The following ARHGEF2 variants were observed in gnomAD, a reference collection of about 807,000 sequenced individuals.
ARHGEF2 encodes Rho/Rac guanine nucleotide exchange factor 2.
Under a neutral mutation model 121.0 loss-of-function variants are expected in ARHGEF2, and 22 were observed. The ratio of observed to expected loss-of-function variants is 0.18; its 90% CI spans 0.13 to 0.26. The LOEUF (loss-of-function observed/expected upper bound fraction) is 0.26. ARHGEF2 is among the 10% of genes least tolerant of loss of function. The pLI is 1.00. For synonymous variants in ARHGEF2, 487 were observed against 530.0 expected, an observed-to-expected ratio of 0.92 and a Z score of 1.11; for missense variants, 907 against 1,336.0, an observed-to-expected ratio of 0.68 and a Z score of 5.01.
At chr1:155,959,651 T>G (rs1331286294) in intron 11 of ARHGEF2, among the ~76,000 whole-genome samples, 3 of 152,130 alleles carry the variant, frequency 2.0e-5, no homozygotes, top group Non-Finnish European at 4.4e-5. Context: ...TTCAAGCGAT[T>G]CTCATGCCTC....
rs377638151 is a variant in ARHGEF2 at position 155,975,455 on chromosome 1, T to C, written c.63+2910A>G. ...TCAGTGACTTCCCTAAGCTTTAGAC[T>C]CCCTTCCCCTATCCTCACTTCTCCC... On this transcript the variant is annotated intron_variant, in intron 1 of 21. Coordinates refer to ENST00000361247, the MANE Select transcript of ARHGEF2 (RefSeq NM_001162383.2). Among the ~76,000 whole-genome samples, 3 of 151,852 alleles carry C rather than the reference T, an allele frequency of 2.0e-5. No homozygotes were observed. The East Asian group carries it at 5.8e-4, about 29-fold the overall frequency.
Position 155,978,216 on chromosome 1 carries a change from C to A in ARHGEF2, c.63+149G>T. The A allele has an allele frequency of 2.3e-6, 3 of 1,299,092 alleles. No individual in the cohort carries two copies. Among genetic ancestry groups the A allele is most frequent in the Non-Finnish European group, 3.0e-6 (3 of 1,007,630 alleles). The allele number at this position is 1,299,092 out of a possible 1,614,324, so 80.5% of individuals were successfully genotyped here. On this transcript the variant is annotated intron_variant, in intron 1 of 21. Coordinates refer to ENST00000361247, the MANE Select transcript of ARHGEF2 (RefSeq NM_001162383.2). This position sits in a 1 kb window ranked among gnomAD's most constrained non-coding sequence, Gnocchi z 4.1. ...CCTACCCACTCGCTCGCAGTCCCCA[C>A]CCACCCCGTCCCGCCGCTCGCCGAT... is the stretch of plus-strand genomic sequence containing the variant.
chr1:155,950,934 G>T lies in ARHGEF2; in HGVS notation c.2598C>A (p.Thr866=). The T allele has an allele frequency of 2.5e-6, 4 of 1,601,828 alleles. No individual in the cohort carries two copies. Among genetic ancestry groups the T allele is most frequent in the Non-Finnish European group, 3.4e-6 (4 of 1,173,634 alleles). Residue 866 remains threonine (T), a synonymous_variant, in exon 20 of 22, where the codon ACC becomes ACA. Transcript: ENST00000361247. This position sits in a 1 kb window ranked among gnomAD's most constrained non-coding sequence, Gnocchi z 5.2. ...AGGGGGCCTCAGCTGGGAGTGGCTCGGTCTGGCCCAGGGCGGCCAGCTGCC... is the reference window on the plus strand; with the variant it reads ...AGGGGGCCTCAGCTGGGAGTGGCTCTGTCTGGCCCAGGGCGGCCAGCTGCC... ...ARRQLAALGQ[T]EPLPAEAPWA...
chr1:155,976,583 G>C (rs563843305), intron 1 of ARHGEF2, among the ~76,000 whole-genome samples: 16 of 149,776 alleles, frequency 1.1e-4, no homozygotes, highest in Non-Finnish European at 2.2e-4. Context: ...TAATGGAAAA[G>C]GGATCCCAGT....
intron 7 of ARHGEF2, among the ~76,000 whole-genome samples, chr1:155,964,415 A>T (rs1445508057): frequency 6.6e-6 from 1 of 151,594 alleles, no homozygotes; most frequent in Non-Finnish European, 1.5e-5. Flanking sequence ...TATGTCTTCT[A>T]CATGTCGAGG....
chr1:155,952,082 A>C (rs1456163160), intron 16 of ARHGEF2, 34 bp downstream of exon 16: 1 of 1,613,632 alleles, frequency 6.2e-7, no homozygotes, highest in Non-Finnish European at 8.5e-7. Context: ...GGCCCCTCCC[A>C]CCTACTACCT....
At chr1:155,964,178 A>T (rs56391294) in intron 7 of ARHGEF2, among the ~76,000 whole-genome samples, 2 of 101,076 alleles carry the variant, frequency 2.0e-5, no homozygotes, top group African/African-American at 8.5e-5. Context: ...ATATATATAT[A>T]TATATATATA....
chr1:155,956,887 C>CAAAAA (rs34831517), intron 13 of ARHGEF2, among the ~76,000 whole-genome samples: 1 of 80,430 alleles, frequency 1.2e-5, no homozygotes, highest in Non-Finnish European at 2.3e-5. Context: ...ACTCTGTCTC[C>CAAAAA]AAAAAAAAAA....
chr1:155,962,621 C>T lies in ARHGEF2; in HGVS notation c.1073G>A (p.Arg358Gln), dbSNP rs1404426797. ...ALKLYKELYA[R>Q]DKRFQQFIRK... ...GATGAATTGCTGGAAGCGTTTGTCTCGGGCGTACAGCTCCTTATAGAGCTT... is the reference window on the plus strand; with the variant it reads ...GATGAATTGCTGGAAGCGTTTGTCTTGGGCGTACAGCTCCTTATAGAGCTT... The change falls in exon 9 of 22, where the codon CGA becomes CAA. Residue 358 changes from arginine (R) to glutamine (Q), a missense_variant. This residue lies in a region of ARHGEF2 where 475 missense variants were observed against 776.5 expected (regional missense o/e 0.61). Coordinates refer to ENST00000361247, the MANE Select transcript of ARHGEF2 (RefSeq NM_001162383.2). This position sits in a 1 kb window ranked among gnomAD's most constrained non-coding sequence, Gnocchi z 5.8. The T allele has an allele frequency of 1.9e-6, 3 of 1,614,088 alleles. No homozygotes were observed. The highest frequency in any genetic ancestry group is 2.5e-6 in the Non-Finnish European group (3 of 1,180,030).
In ARHGEF2 at chr1:155,978,452, A is replaced by ACGCGGCGGG. The variant is rs1253278865; in HGVS notation, c.-26_-25insCCCGCCGCG. Reference sequence around the variant, plus strand: ...TAATCGGACGGGGGGACCAGGGAGGACGCGGCGCGGACCCCGGCGTCCTGT... The same window carrying ACGCGGCGGG: ...TAATCGGACGGGGGGACCAGGGAGGACGCGGCGGGCGCGGCGCGGACCCCGGCGTCCTGT... On this transcript the variant is annotated 5_prime_UTR_variant, in exon 1 of 22. Transcript: ENST00000361247. This position sits in a 1 kb window ranked among gnomAD's most constrained non-coding sequence, Gnocchi z 4.1. 1 of 1,457,030 alleles carries ACGCGGCGGG rather than the reference A, an allele frequency of 6.9e-7. No individual in the cohort carries two copies. The highest frequency in any genetic ancestry group is 1.3e-5 in the South Asian group (1 of 76,302). 90.3% of individuals were successfully genotyped at this position (1,457,030 alleles called of 1,614,324 possible).
Position 155,965,028 on chromosome 1 carries a change from C to T in ARHGEF2, c.684G>A (p.Gln228=), listed in dbSNP as rs773154038. The change falls in exon 7 of 22, where the codon CAG becomes CAA. Residue 228 remains glutamine (Q), a synonymous_variant. Coordinates refer to ENST00000361247, the MANE Select transcript of ARHGEF2 (RefSeq NM_001162383.2). This position sits in a 1 kb window ranked among gnomAD's most constrained non-coding sequence, Gnocchi z 6.0. ...GCTGCTTCATCACCTCCTTTTTATG[C>T]TGCTGCAGGAAGCTGCTGTCCACAG... The part of the protein sequence containing the change: ...SLAVDSSFLQ[Q]HKKEVMKQQD... 6.2e-7 allele frequency: 1 copy of T among 1,614,158 alleles called. No homozygotes were observed. Among genetic ancestry groups the T allele is most frequent in the South Asian group, 1.1e-5 (1 of 91,090 alleles).
rs371709957 is a variant in ARHGEF2 at position 155,952,864 on chromosome 1, G to A, written c.1784-36C>T. On this transcript the variant is annotated intron_variant, in intron 14 of 21. Coordinates refer to ENST00000361247, the MANE Select transcript of ARHGEF2 (RefSeq NM_001162383.2). ...GGAACAAGTGAGGACATGAGAGGAC[G>A]TAGGGGTATGCAAGAGCGCCAGTAG... The A allele has an allele frequency of 8.1e-6, 13 of 1,608,230 alleles. No individual in the cohort carries two copies. The East Asian group carries it at 8.9e-5, about 11-fold the overall frequency.
chr1:155,952,029 G>C (rs774510447), intron 16 of ARHGEF2, 43 bp from the exon 17 acceptor site: 9 of 1,613,938 alleles, frequency 5.6e-6, no homozygotes, highest in Non-Finnish European at 7.6e-6. Context: ...ACTTCCCTGG[G>C]GCCCTGATAC....
intron 7 of ARHGEF2, among the ~76,000 whole-genome samples, chr1:155,963,880 C>T (rs961691490): frequency 5.3e-5 from 8 of 150,722 alleles, no homozygotes; most frequent in African/African-American, 1.9e-4. Context: ...CACGGTGGCT[C>T]ACGCCTATAA....
Position 155,962,332 on chromosome 1 carries a change from G to C in ARHGEF2, c.1102-110C>G. The C allele has an allele frequency of 8.4e-7, 1 of 1,191,782 alleles. No homozygotes were observed. Among genetic ancestry groups the C allele is most frequent in the Non-Finnish European group, 1.2e-6 (1 of 836,320 alleles). 73.8% of individuals were successfully genotyped at this position (1,191,782 alleles called of 1,614,324 possible). ...TGGCCATTTACCTCATGCTTGCCTA[G>C]GTGACATATCTGGAAAATGGGGATA... On this transcript the variant is annotated intron_variant, in intron 9 of 21. Coordinates refer to ENST00000361247, the MANE Select transcript of ARHGEF2 (RefSeq NM_001162383.2). The surrounding 1 kb of genome is among the most constrained non-coding windows in gnomAD (Gnocchi z 5.8).
At chr1:155,968,884 G>A (rs1679947894) in intron 2 of ARHGEF2, 1 of 425,960 alleles carries the variant, frequency 2.3e-6, no homozygotes, top group Non-Finnish European at 4.3e-6. Flanking sequence ...GAGCAAGGGG[G>A]GTGCCTGGTG....
At chr1:155,956,597 G>A (rs923112235) in intron 13 of ARHGEF2, among the ~76,000 whole-genome samples, 2 of 151,888 alleles carry the variant, frequency 1.3e-5, no homozygotes, top group Non-Finnish European at 2.9e-5. Context: ...GAGGTGGGCG[G>A]ATAAATCTGA....
At chr1:155,949,893 ATAAAT>A (rs1304237117) in intron 21 of ARHGEF2, among the ~76,000 whole-genome samples, 1 of 152,126 alleles carries the variant, frequency 6.6e-6, no homozygotes, top group East Asian at 1.9e-4. Flanking sequence ...TAATAATGAA[ATAAAT>A]TAATTAAATA....
In ARHGEF2 at chr1:155,950,461, G is replaced by A. The variant is rs773705784; in HGVS notation, c.2725C>T (p.Leu909=). The part of the protein sequence containing the change: ...PPQPSRGTDR[L]DLPVTTRSVH... ...GAGCGAGTAGTGACAGGTAGATCCA[G>A]GCGGTCAGTGCCTCGGCTGGGCTGT... Residue 909 remains leucine, a synonymous_variant, in exon 21 of 22, where the codon CTG becomes TTG. Transcript: ENST00000361247. The surrounding 1 kb of genome is among the most constrained non-coding windows in gnomAD (Gnocchi z 5.2). The A allele has an allele frequency of 6.2e-7, 1 of 1,613,940 alleles. No homozygotes were observed. Among genetic ancestry groups the A allele is most frequent in the South Asian group, 1.1e-5 (1 of 91,078 alleles).
Sources: allele counts gnomAD v4.1 joint callset (sites outside exome capture counted in the v4.1 genomes callset), GRCh38; gene constraint gnomAD v4.1.1; regional missense constraint gnomAD v4.1.1; non-coding constraint Gnocchi (gnomAD v3.1); transcripts MANE v1.5; gene names NCBI Gene and HGNC (gene_info 2026-07-23, HGNC 2026-07-21).